Variants in SCAP observed in about 807,000 individuals in gnomAD.
The protein encoded by SCAP is SREBF chaperone, also known as sterol regulatory element-binding protein cleavage-activating protein.
In SCAP, 65 loss-of-function variants were observed where a neutral mutation model predicts 123.6. That is an observed-to-expected ratio of 0.53 (90% CI 0.43 to 0.65). The LOEUF is 0.65. SCAP is among the 30% of genes least tolerant of loss of function. SCAP has a pLI of 0.00. For synonymous variants in SCAP, 740 were observed against 726.3 expected (o/e 1.02, Z -0.30); for missense variants, 1,398 against 1,712.5 (o/e 0.82, Z 3.24).
In SCAP at chr3:47,413,828, C is replaced by G; in HGVS notation, c.*26G>C. On this transcript the variant is annotated 3_prime_UTR_variant, in exon 23 of 23. Coordinates refer to ENST00000265565, the MANE Select transcript of SCAP (RefSeq NM_012235.4). ...TGGCCCCCACACAGCACCCCAGCCT[C>G]CTGCCTGGGCAAGGAGGCCCTGCGC... 6.2e-7 allele frequency: 1 copy of G among 1,604,130 alleles called. No homozygotes were observed.
chr3:47,465,181 C>CT (rs924558500), intron 1 of SCAP, among the ~76,000 whole-genome samples: 10 of 141,588 alleles, frequency 7.1e-5, no homozygotes, highest in African/African-American at 1.6e-4. Context: ...TTTTTTTTTT[C>CT]TTTTTTTTAG....
At chr3:47,471,232 T>C (rs1354794938) in intron 1 of SCAP, among the ~76,000 whole-genome samples, 1 of 152,032 alleles carries the variant, frequency 6.6e-6, no homozygotes, top group South Asian at 2.1e-4. Flanking sequence ...TCAGAGGGAT[T>C]CAACAGTATA....
intron 1 of SCAP, among the ~76,000 whole-genome samples, chr3:47,466,097 C>T (rs1415482086): frequency 6.9e-6 from 1 of 144,094 alleles, no homozygotes; most frequent in Non-Finnish European, 1.5e-5. Context: ...TGCGTCACTG[C>T]ACTCCAGCCT....
At chr3:47,423,860 G>T in intron 9 of SCAP, 73 bp downstream of exon 9, 1 of 1,082,346 alleles carries the variant, frequency 9.2e-7, no homozygotes, top group Non-Finnish European at 1.4e-6. Flanking sequence ...CTCACAGAGC[G>T]TTAACAGCAA....
chr3:47,419,801 G>A lies in SCAP; in HGVS notation c.1564-97C>T. 2.8e-6 allele frequency: 4 copies of A among 1,407,670 alleles called. No homozygotes were observed. The highest frequency in any genetic ancestry group is 3.8e-6 in the Non-Finnish European group (4 of 1,055,642). 87.2% of individuals were successfully genotyped at this position (1,407,670 alleles called of 1,614,324 possible). On this transcript the variant is annotated intron_variant, in intron 12 of 22. Transcript: ENST00000265565. The surrounding 1 kb of genome is among the most constrained non-coding windows in gnomAD (Gnocchi z 5.0). ...AGAGGAAGCAGCACAGGGACCTCAG[G>A]CCTGGGGATGGAGAGAGGACACAGG...
chr3:47,414,135 C>T (rs1399428353), intron 22 of SCAP, 36 bp from the exon 23 acceptor site: 2 of 1,613,570 alleles, frequency 1.2e-6, no homozygotes, highest in Admixed American at 1.7e-5. Context: ...AGTCCTGAGT[C>T]CTTCCCTAAA....
At position 47,475,580 on chromosome 3, in the gene SCAP, C is replaced by G. The variant is rs1040350685; in HGVS notation, c.-99+219G>C. ...GGTGGGGACGCGGAGCTCCAGGGGCCGGCCGGTGCAGGGACACGGCCGGGT... is the reference window on the plus strand; with the variant it reads ...GGTGGGGACGCGGAGCTCCAGGGGCGGGCCGGTGCAGGGACACGGCCGGGT... On this transcript the variant is annotated intron_variant, in intron 1 of 22. Coordinates refer to ENST00000265565, the MANE Select transcript of SCAP (RefSeq NM_012235.4). The G allele has an allele frequency of 2.6e-4, 40 of 152,248 alleles. 1 individual carries two copies. The highest frequency in any genetic ancestry group is 2.6e-3 in the Admixed American group (39 of 15,280). 9.4% of individuals were successfully genotyped at this position (152,248 alleles called of 1,614,324 possible). A position where few individuals can be genotyped will look rare whatever the true frequency, so the allele number is the denominator to read the frequency against.
rs1008729379 is a variant in SCAP, at chr3:47,449,517, C to T, written c.-98-6426G>A. Among the ~76,000 whole-genome samples, 2 of 124,350 alleles carry T rather than the reference C, an allele frequency of 1.6e-5. 1 individual carries two copies. The highest frequency in any genetic ancestry group is 3.6e-5 in the Non-Finnish European group (2 of 56,314). The allele number at this position is 124,350 out of a possible 152,430, so 81.6% of individuals were successfully genotyped here. ...TTTGCCAATGTCACTGCTGTCTCCA[C>T]CACTACACAATTACGTGGAGGGCCA... On this transcript the variant is annotated intron_variant, in intron 1 of 22. Transcript: ENST00000265565.
At chr3:47,418,006 G>T (rs1284813657) in intron 16 of SCAP, 128 bp downstream of exon 16, 5 of 579,900 alleles carry the variant, frequency 8.6e-6, no homozygotes, top group Admixed American at 4.7e-5. Context: ...TGCGGGGGTG[G>T]GGGGAGAGGG....
At chr3:47,474,168 G>A (rs1270562229) in intron 1 of SCAP, among the ~76,000 whole-genome samples, 1 of 152,082 alleles carries the variant, frequency 6.6e-6, no homozygotes, top group African/African-American at 2.4e-5. Context: ...GGGAGGCTGA[G>A]GCAGGAGAAT....
Position 47,450,896 on chromosome 3 carries a change from G to C in SCAP, c.-98-7805C>G, listed in dbSNP as rs1707209222. Among the ~76,000 whole-genome samples the C allele has an allele frequency of 1.6e-5, 2 of 123,124 alleles. 1 individual carries two copies. Among genetic ancestry groups the C allele is most frequent in the Admixed American group, 1.8e-4 (2 of 11,108 alleles). The allele number at this position is 123,124 out of a possible 152,430, so 80.8% of individuals were successfully genotyped here. A position where few individuals can be genotyped will look rare whatever the true frequency, so the allele number is the denominator to read the frequency against. On this transcript the variant is annotated intron_variant, in intron 1 of 22. Transcript: ENST00000265565. ...GATGGGGTCTCACTCTGTCACCCAGGCTGGGGTACAGTGGCACTATCATGT... is the reference window on the plus strand; with the variant it reads ...GATGGGGTCTCACTCTGTCACCCAGCCTGGGGTACAGTGGCACTATCATGT...
chr3:47,432,079 C>A (rs2107847691), intron 3 of SCAP, among the ~76,000 whole-genome samples: 1 of 152,176 alleles, frequency 6.6e-6, no homozygotes, highest in South Asian at 2.1e-4. Flanking sequence ...CTTTGGGAGG[C>A]CGAGGCGGAT....
rs1181337510 is a variant in SCAP at position 47,423,947 on chromosome 3, A to C, written c.1136T>G (p.Leu379Arg). Residue 379 changes from leucine to arginine, a missense_variant, in exon 9 of 23, where the codon CTG (leucine) becomes CGG (arginine). Transcript: ENST00000265565. ...CACTGCGTTACCTTGGGCGATCCGC[A>C]GCTTCACCTCCAGGTCTACCGGGGT... ...VSTPVDLEVK[L>R]RIAQGLSSES... 6 of 1,613,934 alleles carry C rather than the reference A, an allele frequency of 3.7e-6. No individual in the cohort carries two copies. The Admixed American group carries it at 6.7e-5, about 18-fold the overall frequency.
intron 1 of SCAP, among the ~76,000 whole-genome samples, chr3:47,446,314 C>G (rs1226408918): frequency 3.9e-5 from 6 of 152,018 alleles, no homozygotes; most frequent in African/African-American, 1.4e-4. Context: ...GCTGGGACTA[C>G]AGGCACTCAC....
At chr3:47,421,795 C>G (rs7372780) in intron 10 of SCAP, among the ~76,000 whole-genome samples, 146,089 of 152,372 alleles carry the variant, frequency 0.96, 70,355 homozygotes, top group East Asian at 1. Flanking sequence ...GAAAGACGGG[C>G]GAGAAAAGAT....
chr3:47,453,219 A>G (rs1360171628), intron 1 of SCAP, among the ~76,000 whole-genome samples: 1 of 152,136 alleles, frequency 6.6e-6, no homozygotes, highest in Non-Finnish European at 1.5e-5. Context: ...GTCTTCCCAC[A>G]TGGTCAGCAT....
intron 1 of SCAP, among the ~76,000 whole-genome samples, chr3:47,472,417 G>C (rs1192094029): frequency 6.7e-6 from 1 of 149,224 alleles, no homozygotes; most frequent in Non-Finnish European, 1.5e-5. Flanking sequence ...GTCCGGCCTG[G>C]GCGACAGAGC....
In SCAP at chr3:47,418,167, G is replaced by A; in HGVS notation, c.2414C>T (p.Thr805Ile). ...CGGAATGCGCGTTAGGCAATCCCCG[G>A]TCTGCGCGTCCCACACGCAGACGTG... ...AGHVCVWDAQ[T>I]GDCLTRIPRP... Residue 805 changes from threonine (T) to isoleucine (I), a missense_variant, in exon 16 of 23, where the codon ACC (threonine) becomes ATC (isoleucine). This residue lies in a region of SCAP where 828 missense variants were observed against 882.5 expected (regional missense o/e 0.94). Transcript: ENST00000265565. 2 of 1,571,594 alleles carry A rather than the reference G, an allele frequency of 1.3e-6. No homozygotes were observed. The highest frequency in any genetic ancestry group is 1.7e-4 in the Middle Eastern group (1 of 5,966).
At chr3:47,458,049 A>G (rs1275646154) in intron 1 of SCAP, among the ~76,000 whole-genome samples, 2 of 152,182 alleles carry the variant, frequency 1.3e-5, no homozygotes, top group East Asian at 3.9e-4. Flanking sequence ...GAACTTTGGG[A>G]GGCTGAGGTG....
Sources: allele counts gnomAD v4.1 joint callset (sites outside exome capture counted in the v4.1 genomes callset), GRCh38; gene constraint gnomAD v4.1.1; regional missense constraint gnomAD v4.1.1; non-coding constraint Gnocchi (gnomAD v3.1); transcripts MANE v1.5; gene names NCBI Gene and HGNC (gene_info 2026-07-23, HGNC 2026-07-21).